PHLDB2: variants seen among roughly 807,000 people sequenced by gnomAD.
PHLDB2 encodes the protein pleckstrin homology-like domain family B member 2.
Under a neutral mutation model 123.6 loss-of-function variants are expected in PHLDB2, and 71 were observed. That is an observed-to-expected ratio of 0.57 (90% CI 0.47 to 0.70). The LOEUF is 0.70. PHLDB2 is among the 30% of genes least tolerant of loss of function. The pLI, the probability that PHLDB2 is intolerant of heterozygous loss-of-function variation, is 0.00. For missense variants in PHLDB2, 1,446 were observed against 1,519.5 expected (o/e 0.95, Z 0.80); for synonymous variants, 547 against 541.6 (o/e 1.01, Z -0.14).
intron 1 of PHLDB2, among the ~76,000 whole-genome samples, chr3:111,763,807 C>T (rs559601711): frequency 2.6e-5 from 4 of 152,200 alleles, no homozygotes; most frequent in African/African-American, 9.6e-5. Flanking sequence ...AGGCACCATT[C>T]GTGAACCAGG....
chr3:111,884,654 A>G lies in PHLDB2; in HGVS notation c.577A>G (p.Ile193Val), dbSNP rs781374324. Residue 193 changes from isoleucine (I) to valine (V), a missense_variant, in exon 2 of 18, where the codon ATC (isoleucine) becomes GTC (valine). Transcript: ENST00000431670. ...CCTGAGTGATGCTGGCCCGCCTCCT[A>G]TCAGCAGATCGGGAGCCGCAAGCAT... ...SSLSDAGPPP[I>V]SRSGAASMPS... is the part of the protein sequence containing the mutation. 1.9e-5 allele frequency: 30 copies of G among 1,614,142 alleles called. No homozygotes were observed. In the East Asian group the frequency reaches 5.6e-4, roughly 30 times the overall value.
At chr3:111,954,596 T>C (rs1287937911) in intron 12 of PHLDB2, among the ~76,000 whole-genome samples, 1 of 152,226 alleles carries the variant, frequency 6.6e-6, no homozygotes, top group Non-Finnish European at 1.5e-5. Context: ...TCTCAGATAG[T>C]CTTCATGGGG....
intron 1 of PHLDB2, among the ~76,000 whole-genome samples, chr3:111,769,464 C>A (rs1559821529): frequency 6.6e-6 from 1 of 152,186 alleles, no homozygotes; most frequent in Non-Finnish European, 1.5e-5. Flanking sequence ...CCCCTGCCAA[C>A]CAAGTATTCA....
intron 1 of PHLDB2, among the ~76,000 whole-genome samples, chr3:111,865,833 G>A (rs886205865): frequency 6.6e-6 from 1 of 151,636 alleles, no homozygotes; most frequent in African/African-American, 2.4e-5. Flanking sequence ...ATCTTGACTT[G>A]TTCAAGTTAT....
At chr3:111,967,602 CTT>C (rs1465872778) in intron 14 of PHLDB2, 74 bp from the exon 15 acceptor site, 6 of 1,402,060 alleles carry the variant, frequency 4.3e-6, no homozygotes, top group Non-Finnish European at 5.7e-6. Flanking sequence ...TAAGAATTGT[CTT>C]TTTTATATTG....
chr3:111,797,736 A>T (rs184481320), intron 1 of PHLDB2, among the ~76,000 whole-genome samples: 159 of 152,354 alleles, frequency 1.0e-3, no homozygotes, highest in African/African-American at 3.6e-3. Context: ...TTAGAACTGG[A>T]TAGATATTTA....
intron 1 of PHLDB2, among the ~76,000 whole-genome samples, chr3:111,795,465 C>T (rs2061112426): frequency 1.3e-5 from 2 of 152,220 alleles, no homozygotes; most frequent in South Asian, 2.1e-4. Context: ...CAGTCCTTCA[C>T]AATGCTGCCT....
rs112434778 is a variant in PHLDB2 at position 111,913,399 on chromosome 3, C to T, written c.1416C>T (p.Thr472=). 81 of 1,614,084 alleles carry T rather than the reference C, an allele frequency of 5.0e-5. No individual in the cohort carries two copies. Among genetic ancestry groups the T allele is most frequent in the Admixed American group, 3.0e-4 (18 of 60,020 alleles). Reference sequence around the variant, plus strand: ...ACAGTCGCTTATCTACTGGGACCACCGTGGAAGATGTGCAGAAAATCAACA... The same window carrying T: ...ACAGTCGCTTATCTACTGGGACCACTGTGGAAGATGTGCAGAAAATCAACA... ...KPDSRLSTGT[T]VEDVQKINKE... is the part of the protein sequence containing the mutation. Residue 472 remains threonine (T), a synonymous_variant, in exon 3 of 18, where the codon ACC becomes ACT. Coordinates refer to ENST00000431670, the MANE Select transcript of PHLDB2 (RefSeq NM_001134438.2).
chr3:111,914,257 C>CAT (rs1451056639), intron 3 of PHLDB2: 1 of 151,000 alleles, frequency 6.6e-6, no homozygotes, highest in East Asian at 1.9e-4. Flanking sequence ...AATATTGTAG[C>CAT]ATATATATAT....
chr3:111,928,404 A>C (rs1348355727), intron 5 of PHLDB2, among the ~76,000 whole-genome samples: 1 of 152,222 alleles, frequency 6.6e-6, no homozygotes, highest in African/African-American at 2.4e-5. Context: ...ACCTGGCTGC[A>C]TATCAGAAAA....
intron 6 of PHLDB2, among the ~76,000 whole-genome samples, chr3:111,935,581 G>A (rs1487716482): frequency 6.6e-6 from 1 of 151,994 alleles, no homozygotes; most frequent in Non-Finnish European, 1.5e-5. Context: ...AAAATCACAA[G>A]GTCCCACAAC....
At chr3:111,964,630 C>T (rs1000796240) in intron 13 of PHLDB2, among the ~76,000 whole-genome samples, 1 of 151,920 alleles carries the variant, frequency 6.6e-6, no homozygotes, top group Non-Finnish European at 1.5e-5. Flanking sequence ...GCGTGAGCCA[C>T]GTTAATTAGC....
In PHLDB2 at chr3:111,917,960, A is replaced by G. The variant is rs375886304; in HGVS notation, c.1720-1112A>G. 1.4e-4 allele frequency among the ~76,000 whole-genome samples: 22 copies of G among 152,236 alleles called. No homozygotes were observed. The East Asian group carries it at 2.3e-3, about 16-fold the overall frequency. ...TTACTCAACTGGGCTGCTGTTTTCA[A>G]TTTTCATTTGTGAAACTGTATAATT... On this transcript the variant is annotated intron_variant, in intron 3 of 17. Coordinates refer to ENST00000431670, the MANE Select transcript of PHLDB2 (RefSeq NM_001134438.2).
At chr3:111,792,943 A>G (rs888687386) in intron 1 of PHLDB2, among the ~76,000 whole-genome samples, 2 of 152,190 alleles carry the variant, frequency 1.3e-5, no homozygotes, top group Non-Finnish European at 2.9e-5. Context: ...GGGAGACACA[A>G]GCACCCCTGT....
intron 8 of PHLDB2, among the ~76,000 whole-genome samples, chr3:111,944,867 G>T (rs1300425719): frequency 6.6e-6 from 1 of 152,012 alleles, no homozygotes; most frequent in Admixed American, 6.6e-5. Context: ...TAGAGACAAG[G>T]TTTCACCATG....
intron 1 of PHLDB2, among the ~76,000 whole-genome samples, chr3:111,759,702 A>G (rs919367499): frequency 1.3e-5 from 2 of 152,206 alleles, no homozygotes; most frequent in African/African-American, 4.8e-5. Flanking sequence ...ATGCAACCCT[A>G]TAAGGTGGAA....
chr3:111,883,137 A>T (rs761394307), intron 1 of PHLDB2, among the ~76,000 whole-genome samples: 2 of 152,176 alleles, frequency 1.3e-5, no homozygotes, highest in Non-Finnish European at 2.9e-5. Context: ...TTTTTTTATC[A>T]GGTAGAATTA....
At chr3:111,889,349 T>C (rs1489276175) in intron 2 of PHLDB2, among the ~76,000 whole-genome samples, 1 of 152,184 alleles carries the variant, frequency 6.6e-6, no homozygotes, top group African/African-American at 2.4e-5. Flanking sequence ...CCTGACAACA[T>C]GTGTCCCTAT....
intron 2 of PHLDB2, among the ~76,000 whole-genome samples, chr3:111,898,174 G>GTGTGTT (rs1553747068): frequency 2.1e-4 from 24 of 112,122 alleles, no homozygotes; most frequent in East Asian, 5.8e-4. Flanking sequence ...GTGTGTGTGT[G>GTGTGTT]TGTGTGTTTG....
Sources: gnomAD v4.1 joint callset for allele counts (sites outside exome capture counted in the v4.1 genomes callset) on GRCh38, gnomAD v4.1.1 for gene constraint, MANE v1.5 for transcripts, NCBI Gene and HGNC (gene_info 2026-07-23, HGNC 2026-07-21) for gene names.